Variants in STPG4 observed in about 807,000 individuals in gnomAD.
The protein encoded by STPG4 is protein STPG4.
In STPG4, 41 loss-of-function variants were observed where a neutral mutation model predicts 31.5. That is an observed-to-expected ratio of 1.30 (90% confidence interval 1.01 to 1.69). The LOEUF (loss-of-function observed/expected upper bound fraction) is 1.69, where lower values mean the gene tolerates loss of function less well. Among genes scored for constraint, STPG4 ranks in the 40% most tolerant of loss-of-function variants. The pLI, the probability that STPG4 is intolerant of heterozygous loss-of-function variation, is 0.00. For missense variants in STPG4, 375 were observed against 293.4 expected, an observed-to-expected ratio of 1.28 and a Z score of -2.03; for synonymous variants, 141 against 103.0, an observed-to-expected ratio of 1.37 and a Z score of -2.24.
At chr2:47,124,597 G>C (rs11885021) in intron 5 of STPG4, among the ~76,000 whole-genome samples, 3,800 of 152,166 alleles carry the variant, frequency 0.025, 179 homozygotes, top group African/African-American at 0.086. Flanking sequence ...ATTGCAAATA[G>C]GAGGACCTCA....
rs528563728 is a variant in STPG4, at chr2:47,106,844, T to G, written c.520-16470A>C. ...TGTATTTTTAAACTTCTTATCAAAT[T>G]TGTTTCCTCTAGAATCGAGGCCATC... On this transcript the variant is annotated intron_variant, in intron 5 of 6. Coordinates refer to ENST00000445927, the MANE Select transcript of STPG4 (RefSeq NM_001163561.2). Among the ~76,000 whole-genome samples, 3 of 152,028 alleles carry G rather than the reference T, an allele frequency of 2.0e-5. No homozygotes were observed. The South Asian group carries it at 6.2e-4, about 32-fold the overall frequency.
At chr2:47,090,462 A>G in intron 5 of STPG4, 88 bp from the exon 6 acceptor site, 1 of 840,074 alleles carries the variant, frequency 1.2e-6, no homozygotes, top group Non-Finnish European at 1.9e-6. Flanking sequence ...TAAACATATG[A>G]ATCACTGTGA....
chr2:47,128,880 G>A (rs931725370), intron 5 of STPG4: 16 of 152,276 alleles, frequency 1.1e-4, no homozygotes, highest in African/African-American at 3.9e-4. Flanking sequence ...CACTGTAGCT[G>A]GGAAAGTGCT....
At chr2:47,137,352 T>C (rs1686616909) in intron 3 of STPG4, among the ~76,000 whole-genome samples, 1 of 152,348 alleles carries the variant, frequency 6.6e-6, no homozygotes. Flanking sequence ...ATGTATAATT[T>C]TTTAATACAT....
At chr2:47,113,951 G>A (rs774061394) in intron 5 of STPG4, among the ~76,000 whole-genome samples, 6 of 150,770 alleles carry the variant, frequency 4.0e-5, no homozygotes, top group Admixed American at 6.6e-5. Context: ...GGAGAATGGC[G>A]TGAACCCAGG....
intron 5 of STPG4, among the ~76,000 whole-genome samples, chr2:47,100,900 G>C (rs543246313): frequency 6.6e-6 from 1 of 151,944 alleles, no homozygotes; most frequent in East Asian, 1.9e-4. Context: ...GCCACCTTAA[G>C]AGCTGTAACA....
intron 5 of STPG4, among the ~76,000 whole-genome samples, chr2:47,114,118 C>G (rs932264696): frequency 4.6e-5 from 7 of 152,028 alleles, no homozygotes; most frequent in Non-Finnish European, 8.8e-5. Flanking sequence ...TGCCTGTAAT[C>G]CTAGCACTTA....
intron 3 of STPG4, among the ~76,000 whole-genome samples, chr2:47,134,209 CATT>C (rs1381838697): frequency 6.6e-6 from 1 of 152,204 alleles, no homozygotes; most frequent in Admixed American, 6.5e-5. Context: ...ACTGGCACAT[CATT>C]ATCACTCAAA....
chr2:47,107,750 G>C (rs527975255), intron 5 of STPG4, among the ~76,000 whole-genome samples: 3 of 152,182 alleles, frequency 2.0e-5, no homozygotes, highest in Non-Finnish European at 4.4e-5. Flanking sequence ...TCCTGAGTCT[G>C]GTGGGGACGT....
At chr2:47,124,023 C>T (rs534382121) in intron 5 of STPG4, among the ~76,000 whole-genome samples, 73 of 152,024 alleles carry the variant, frequency 4.8e-4, no homozygotes, top group Middle Eastern at 6.8e-3. Context: ...CACTCTGTTG[C>T]CCATTCTGGT....
intron 5 of STPG4, among the ~76,000 whole-genome samples, chr2:47,110,766 T>A (rs1382703227): frequency 6.6e-6 from 1 of 152,240 alleles, no homozygotes; most frequent in Non-Finnish European, 1.5e-5. Flanking sequence ...TATCTCAATT[T>A]GATCCTGCAT....
chr2:47,129,563 G>A (rs1686430916), intron 5 of STPG4: 2 of 204,246 alleles, frequency 9.8e-6, no homozygotes, highest in Admixed American at 1.1e-4. Flanking sequence ...GTTACAGGCA[G>A]CACGGTGTTC....
chr2:47,096,171 C>T (rs1685665431), intron 5 of STPG4, among the ~76,000 whole-genome samples: 1 of 152,206 alleles, frequency 6.6e-6, no homozygotes, highest in Non-Finnish European at 1.5e-5. Flanking sequence ...AGCCTCACAT[C>T]CTAGCAAGGA....
chr2:47,127,509 T>C (rs1686389668), intron 5 of STPG4, among the ~76,000 whole-genome samples: 1 of 152,114 alleles, frequency 6.6e-6, no homozygotes, highest in Non-Finnish European at 1.5e-5. Context: ...CCTCAAGCCG[T>C]CTGCCTGCCT....
intron 5 of STPG4, among the ~76,000 whole-genome samples, chr2:47,115,048 A>G (rs535978155): frequency 6.6e-6 from 1 of 152,172 alleles, no homozygotes; most frequent in Non-Finnish European, 1.5e-5. Context: ...GATTACAAGC[A>G]TAAGCCACCA....
intron 5 of STPG4, among the ~76,000 whole-genome samples, chr2:47,126,039 T>C (rs575556367): frequency 6.6e-6 from 1 of 152,314 alleles, no homozygotes; most frequent in South Asian, 2.1e-4. Context: ...TGTAGATATA[T>C]GGATTTATTT....
rs545761392 is a variant in STPG4, at chr2:47,092,017, A to G, written c.520-1643T>C. On this transcript the variant is annotated intron_variant, in intron 5 of 6. Transcript: ENST00000445927. ...CAAATGTCATTAAGTCAAAAATGCA[A>G]GCTGAACAAATGTGCATTAAAAAAA... Among the ~76,000 whole-genome samples, 55 of 150,258 alleles carry G rather than the reference A, an allele frequency of 3.7e-4. 1 individual carries two copies. Among genetic ancestry groups the G allele is most frequent in the African/African-American group, 1.2e-3 (50 of 40,682 alleles).
chr2:47,143,076 T>C (rs1477203511), intron 3 of STPG4, among the ~76,000 whole-genome samples: 1 of 152,154 alleles, frequency 6.6e-6, no homozygotes, highest in Non-Finnish European at 1.5e-5. Flanking sequence ...TCTGCCTGCC[T>C]CGGCCTCCCA....
intron 5 of STPG4, among the ~76,000 whole-genome samples, chr2:47,104,489 C>T (rs1685863712): frequency 1.3e-5 from 2 of 151,982 alleles, no homozygotes; most frequent in South Asian, 4.2e-4. Context: ...CCAGAGGAAG[C>T]AGAATGGTTC....
Sources: allele counts gnomAD v4.1 joint callset (sites outside exome capture counted in the v4.1 genomes callset), GRCh38; gene constraint gnomAD v4.1.1; transcripts MANE v1.5; gene names NCBI Gene and HGNC (gene_info 2026-07-23, HGNC 2026-07-21).